MARCHF1: variants seen among roughly 807,000 people sequenced by gnomAD.
The protein encoded by MARCHF1 is membrane associated ring-CH-type finger 1.
In MARCHF1, 40 loss-of-function variants were observed where a neutral mutation model predicts 54.2. That is an observed-to-expected ratio of 0.74 (90% CI 0.57 to 0.96). The LOEUF is 0.96. MARCHF1 is among the 40% of genes least tolerant of loss of function. The pLI, the probability that MARCHF1 is intolerant of heterozygous loss-of-function variation, is 0.00. For synonymous variants in MARCHF1, 236 were observed against 236.3 expected, an observed-to-expected ratio of 1.00 and a Z score of 0.01; for missense variants, 586 against 656.5, an observed-to-expected ratio of 0.89 and a Z score of 1.17.
At chr4:163,775,392 C>T (rs1747276957) in intron 4 of MARCHF1, among the ~76,000 whole-genome samples, 1 of 152,190 alleles carries the variant, frequency 6.6e-6, no homozygotes, top group Non-Finnish European at 1.5e-5. Flanking sequence ...TTTCTCTCTG[C>T]ATGAGAATAG....
intron 8 of MARCHF1, among the ~76,000 whole-genome samples, chr4:163,568,185 C>T (rs566016454): frequency 1.3e-5 from 2 of 152,192 alleles, no homozygotes; most frequent in African/African-American, 4.8e-5. Context: ...GACATTATAA[C>T]TATATAAAAT....
intron 1 of MARCHF1, among the ~76,000 whole-genome samples, chr4:164,153,032 G>A (rs189980658): frequency 6.6e-5 from 10 of 152,166 alleles, no homozygotes; most frequent in African/African-American, 2.4e-4. Flanking sequence ...AGAACCTCCC[G>A]AAAGCTGTGT....
At chr4:163,545,134 A>T (rs1263111983) in intron 9 of MARCHF1, among the ~76,000 whole-genome samples, 3 of 152,328 alleles carry the variant, frequency 2.0e-5, no homozygotes, top group South Asian at 2.1e-4. Flanking sequence ...CATGGTGCTA[A>T]CCCACTCTAT....
intron 5 of MARCHF1, among the ~76,000 whole-genome samples, chr4:163,616,707 CT>C (rs1292794486): frequency 6.7e-6 from 1 of 150,306 alleles, no homozygotes; most frequent in African/African-American, 2.5e-5. Flanking sequence ...AGTGAGACCC[CT>C]GTCTCTGAAA....
At position 163,612,733 on chromosome 4, in the gene MARCHF1, A is replaced by C. The variant is rs769519497; in HGVS notation, c.548T>G (p.Leu183Arg). The change falls in exon 7 of 10, where the codon CTG becomes CGG. Residue 183 changes from leucine (L) to arginine (R), a missense_variant. Physicochemically the swap from Leu to Arg is moderately radical, Grantham distance 102. Coordinates refer to ENST00000514618, the MANE Select transcript of MARCHF1 (RefSeq NM_001394959.1). Reference sequence around the variant, plus strand: ...ATTATTTCTCCTCCTTCTTCTTGACAGTCTGAATTTAACCTGGGCTCTTCT... The same window carrying C: ...ATTATTTCTCCTCCTTCTTCTTGACCGTCTGAATTTAACCTGGGCTCTTCT... ...AKRRAQVKFRLSRRRRRNNNK... is the reference protein window; with the variant it reads ...AKRRAQVKFRRSRRRRRNNNK... 1 of 1,535,526 alleles carries C rather than the reference A, an allele frequency of 6.5e-7. No individual in the cohort carries two copies. Among genetic ancestry groups the C allele is most frequent in the South Asian group, 1.2e-5 (1 of 84,050 alleles).
intron 4 of MARCHF1, among the ~76,000 whole-genome samples, chr4:163,819,148 A>T (rs1372808510): frequency 6.6e-6 from 1 of 152,090 alleles, no homozygotes; most frequent in African/African-American, 2.4e-5. Context: ...ACACTTCCAA[A>T]TCCACCTCTA....
chr4:164,140,771 TACAC>T (rs35269297), intron 1 of MARCHF1, among the ~76,000 whole-genome samples: 27,201 of 136,694 alleles, frequency 0.2, 2,976 homozygotes, highest in Non-Finnish European at 0.26. Flanking sequence ...CATACATACA[TACAC>T]ACACACACAC....
chr4:163,948,683 AAAGAC>A (rs78159454), intron 3 of MARCHF1, among the ~76,000 whole-genome samples: 26,683 of 152,072 alleles, frequency 0.18, 2,548 homozygotes, highest in South Asian at 0.29. Flanking sequence ...CAACAGGAGT[AAAGAC>A]AAGAAGAAAA....
chr4:164,120,377 A>T (rs1268849514), intron 1 of MARCHF1, among the ~76,000 whole-genome samples: 2 of 152,168 alleles, frequency 1.3e-5, no homozygotes, highest in South Asian at 2.1e-4. Context: ...GGCCCAATAC[A>T]TTAATAGCTG....
chr4:163,981,270 G>A (rs1262297100), intron 3 of MARCHF1, among the ~76,000 whole-genome samples: 1 of 152,140 alleles, frequency 6.6e-6, no homozygotes. Flanking sequence ...GTGAAAGTAA[G>A]TCCACATCAT....
chr4:164,072,528 G>T (rs114936671), intron 2 of MARCHF1, among the ~76,000 whole-genome samples: 1 of 151,858 alleles, frequency 6.6e-6, no homozygotes, highest in African/African-American at 2.4e-5. Context: ...GCCACCACAC[G>T]CCAGCCTAGG....
chr4:164,025,934 T>C (rs1560867805), intron 2 of MARCHF1, among the ~76,000 whole-genome samples: 1 of 152,062 alleles, frequency 6.6e-6, no homozygotes, highest in East Asian at 1.9e-4. Context: ...CAGAAACTAC[T>C]GTGAATAACT....
At chr4:164,110,123 TACACAC>T (rs70948699) in intron 2 of MARCHF1, among the ~76,000 whole-genome samples, 33,092 of 145,894 alleles carry the variant, frequency 0.23, 3,925 homozygotes, top group Non-Finnish European at 0.28. Flanking sequence ...GAATTGGAGA[TACACAC>T]ACACACACAC....
At chr4:163,742,644 A>T (rs1561052767) in intron 4 of MARCHF1, among the ~76,000 whole-genome samples, 1 of 130,052 alleles carries the variant, frequency 7.7e-6, no homozygotes, top group African/African-American at 2.5e-5. Context: ...GCCTGCCTAA[A>T]TTTTTTTATT....
At chr4:163,758,037 C>A (rs1265592734) in intron 4 of MARCHF1, among the ~76,000 whole-genome samples, 1 of 152,022 alleles carries the variant, frequency 6.6e-6, no homozygotes, top group Admixed American at 6.6e-5. Flanking sequence ...AATAAAATAC[C>A]AGTTATTAAA....
intron 4 of MARCHF1, among the ~76,000 whole-genome samples, chr4:163,818,233 T>C (rs1165499974): frequency 1.3e-5 from 2 of 152,150 alleles, no homozygotes; most frequent in African/African-American, 4.8e-5. Flanking sequence ...ATTAAGCATG[T>C]CTTAATGTTT....
At chr4:164,249,860 G>A (rs549594484) in intron 1 of MARCHF1, among the ~76,000 whole-genome samples, 7 of 151,992 alleles carry the variant, frequency 4.6e-5, no homozygotes, top group Non-Finnish European at 7.4e-5. Flanking sequence ...ATTAGATAGC[G>A]CTTCCATTGA....
intron 2 of MARCHF1, among the ~76,000 whole-genome samples, chr4:164,094,988 A>G (rs2111141246): frequency 6.6e-6 from 1 of 152,272 alleles, no homozygotes; most frequent in South Asian, 2.1e-4. Flanking sequence ...ACAGTAAACA[A>G]ACCAAAAGCA....
chr4:163,866,385 G>A (rs1213121029), intron 3 of MARCHF1, among the ~76,000 whole-genome samples: 1 of 147,322 alleles, frequency 6.8e-6, no homozygotes, highest in Non-Finnish European at 1.5e-5. Flanking sequence ...TATACATGTA[G>A]AATGAAAATA....
Sources: gnomAD v4.1 joint callset for allele counts (sites outside exome capture counted in the v4.1 genomes callset) on GRCh38, gnomAD v4.1.1 for gene constraint, MANE v1.5 for transcripts, NCBI Gene and HGNC (gene_info 2026-07-23, HGNC 2026-07-21) for gene names.